Variants in CCNJL observed in about 807,000 individuals in gnomAD.
CCNJL encodes the protein cyclin J like, also known as cyclin-J-like protein.
Under a neutral mutation model 33.4 loss-of-function variants are expected in CCNJL, and 33 were observed. That is an observed-to-expected ratio of 0.99 (90% CI 0.75 to 1.32). CCNJL has a LOEUF of 1.32. CCNJL is among the 40% of genes most tolerant of loss of function. The probability of loss-of-function intolerance (pLI) is 0.00; values close to 1 mark genes in which losing one functional copy is unlikely to be tolerated. For missense variants in CCNJL, 512 were observed against 499.7 expected (o/e 1.02, Z -0.23); for synonymous variants, 227 against 220.9 (o/e 1.03, Z -0.24).
At chr5:160,326,069 A>G (rs772120104) in intron 1 of CCNJL, among the ~76,000 whole-genome samples, 3 of 152,188 alleles carry the variant, frequency 2.0e-5, no homozygotes, top group Non-Finnish European at 4.4e-5. Flanking sequence ...TTCCTACTCC[A>G]TATCAGACCT....
intron 2 of CCNJL, among the ~76,000 whole-genome samples, chr5:160,292,700 T>TAA (rs1491076991): frequency 2.8e-5 from 4 of 142,678 alleles, no homozygotes; most frequent in Non-Finnish European, 4.5e-5. Flanking sequence ...TATATATATA[T>TAA]AACTTGAAAG....
At chr5:160,316,243 C>T (rs572747521), upstream of CCNJL, among the ~76,000 whole-genome samples, 27 of 152,234 alleles carry the variant, frequency 1.8e-4, no homozygotes, top group Middle Eastern at 3.4e-3. Flanking sequence ...CTCCCATCCA[C>T]CCCCAACCAA....
chr5:160,308,737 CAG>C (rs1488126902), intron 2 of CCNJL, among the ~76,000 whole-genome samples: 2 of 152,342 alleles, frequency 1.3e-5, no homozygotes, highest in African/African-American at 4.8e-5. Flanking sequence ...GCCTGTGCGA[CAG>C]AGTGAGACTC....
intron 1 of CCNJL, chr5:160,327,061 T>C (rs546416364): frequency 2.1e-5 from 8 of 378,010 alleles, no homozygotes; most frequent in African/African-American, 1.5e-4. Context: ...ATTCGTATTG[T>C]TTTGATTACC....
intron 3 of CCNJL, among the ~76,000 whole-genome samples, chr5:160,276,946 A>G (rs1025923390): frequency 6.6e-6 from 1 of 151,942 alleles, no homozygotes; most frequent in Non-Finnish European, 1.5e-5. Flanking sequence ...ACCAACACCC[A>G]GCTAATTTTT....
At chr5:160,310,154 T>C (rs923174755) in intron 2 of CCNJL, among the ~76,000 whole-genome samples, 15 of 152,164 alleles carry the variant, frequency 9.9e-5, no homozygotes, top group Non-Finnish European at 1.0e-4. Context: ...CTTGAGTCTA[T>C]GATAAACAAG....
At chr5:160,323,326 C>A (rs1223526608) in intron 1 of CCNJL, among the ~76,000 whole-genome samples, 1 of 152,128 alleles carries the variant, frequency 6.6e-6, no homozygotes, top group African/African-American at 2.4e-5. Context: ...AACTCCTGGC[C>A]TCTAGCAAAG....
chr5:160,291,306 GCACACTAGTCC>G lies in CCNJL; in HGVS notation c.67-10579_67-10569del, dbSNP rs143323399. On this transcript the variant is annotated intron_variant, in intron 2 of 5. Transcript: ENST00000257536. ...AATGTTTCCTAATGTGTGTTCTGTG[GCACACTAGTCC>G]CAAGATATGCTCCCTGAAAAAAAGG... Among the ~76,000 whole-genome samples, 31 of 152,180 alleles carry G rather than the reference GCACACTAGTCC, an allele frequency of 2.0e-4. No homozygotes were observed. The East Asian group carries it at 5.0e-3, about 25-fold the overall frequency.
rs11461365 is a variant in CCNJL at position 160,326,486 on chromosome 5, C to CAAAAAAAA, written n.207-10989_207-10982dup. Reference sequence around the variant, plus strand: ...GGGCGACAGAGCTAGACTCTGTCTCCAAAAAAAAAAAAAAAAAAAAAAAGC... The same window carrying CAAAAAAAA: ...GGGCGACAGAGCTAGACTCTGTCTCCAAAAAAAAAAAAAAAAAAAAAAAAAAAAAAAGC... On this transcript the variant is annotated intron_variant and non_coding_transcript_variant, in intron 1 of 7. Coordinates refer to the CCNJL transcript ENST00000377503. 8.7e-5 allele frequency among the ~76,000 whole-genome samples: 5 copies of CAAAAAAAA among 57,636 alleles called. 1 individual carries two copies. The highest frequency in any genetic ancestry group is 1.2e-4 in the African/African-American group (2 of 16,514). 37.8% of individuals were successfully genotyped at this position (57,636 alleles called of 152,430 possible).
chr5:160,280,724 G>A lies in CCNJL; in HGVS notation c.81C>T (p.Pro27=), dbSNP rs76732875. 14,674 of 1,605,256 alleles carry A rather than the reference G, an allele frequency of 9.1e-3. 1,106 individuals are homozygous for A. In the African/African-American group the frequency reaches 0.17, roughly 18 times the overall value. The change falls in exon 3 of 6, where the codon CCC becomes CCT. Residue 27 remains proline (P), a synonymous_variant. Transcript: ENST00000257536. ...GGAGTGGGGAGTGGGCTCGGAAGGT[G>A]GGCAGCTTCAGTTCCTGGAGGACAG... ...CTLREKELKL[P]TFRAHSPLLK...
intron 1 of CCNJL, among the ~76,000 whole-genome samples, chr5:160,321,013 T>C (rs113807384): frequency 1.5e-3 from 27 of 18,494 alleles, no homozygotes; most frequent in African/African-American, 5.5e-3. Flanking sequence ...TCTCTCTCTC[T>C]CTTTCTTTCT....
At chr5:160,322,230 C>T (rs1213830876) in intron 1 of CCNJL, among the ~76,000 whole-genome samples, 1 of 152,188 alleles carries the variant, frequency 6.6e-6, no homozygotes, top group Non-Finnish European at 1.5e-5. Flanking sequence ...AACTTAATCA[C>T]GTCTCTAAGG....
At chr5:160,261,742 T>C (rs1761345542) in intron 3 of CCNJL, among the ~76,000 whole-genome samples, 1 of 152,122 alleles carries the variant, frequency 6.6e-6, no homozygotes, top group African/African-American at 2.4e-5. Context: ...CAGAGCTCAG[T>C]TTAGAGACCT....
In CCNJL at chr5:160,249,706, T is replaced by C. The variant is rs1473922407; in HGVS notation, c.*3672A>G. On this transcript the variant is annotated 3_prime_UTR_variant, in exon 6 of 6. Coordinates refer to ENST00000257536, the MANE Select transcript of CCNJL (RefSeq NM_001308173.3). ...TGAGCCCAGAAGGTTGAAGCTGCAG[T>C]GAGCCGTGACTGTGCCACTGCACTC... 2 of 151,900 alleles carry C rather than the reference T, an allele frequency of 1.3e-5. No individual in the cohort carries two copies. The highest frequency in any genetic ancestry group is 2.1e-4 in the South Asian group (1 of 4,826). 9.4% of individuals were successfully genotyped at this position (151,900 alleles called of 1,614,324 possible). A position where few individuals can be genotyped will look rare whatever the true frequency, so the allele number is the denominator to read the frequency against.
intron 4 of CCNJL, 100 bp downstream of exon 4, chr5:160,259,369 G>A (rs2113234994): frequency 9.5e-7 from 1 of 1,052,514 alleles, no homozygotes; most frequent in Non-Finnish European, 1.4e-6. Flanking sequence ...CCAGTGAGAA[G>A]GCCTGATCTG....
chr5:160,304,381 C>T (rs1010689706), intron 2 of CCNJL, among the ~76,000 whole-genome samples: 1 of 152,188 alleles, frequency 6.6e-6, no homozygotes, highest in Non-Finnish European at 1.5e-5. Flanking sequence ...ATCTTCCATC[C>T]TCTGTATACA....
intron 2 of CCNJL, among the ~76,000 whole-genome samples, chr5:160,292,480 G>GC (rs1446857265): frequency 6.6e-6 from 1 of 152,024 alleles, no homozygotes; most frequent in Admixed American, 6.6e-5. Flanking sequence ...AATTAGCCGG[G>GC]CATGGTGGTG....
At chr5:160,265,656 GC>G (rs1296174397) in intron 3 of CCNJL, among the ~76,000 whole-genome samples, 1 of 150,600 alleles carries the variant, frequency 6.6e-6, no homozygotes, top group Non-Finnish European at 1.5e-5. Flanking sequence ...GAAATGCAAT[GC>G]CCCAGCCTGG....
intron 2 of CCNJL, among the ~76,000 whole-genome samples, chr5:160,282,966 A>AATATATATATATATGT (rs1762262935): frequency 2.3e-5 from 1 of 43,388 alleles, no homozygotes; most frequent in Non-Finnish European, 4.7e-5. Flanking sequence ...CAGTCCTTGG[A>AATATATATATATATGT]ATATATATAT....
Sources: allele counts gnomAD v4.1 joint callset (sites outside exome capture counted in the v4.1 genomes callset), GRCh38; gene constraint gnomAD v4.1.1; transcripts MANE v1.5; gene names NCBI Gene and HGNC (gene_info 2026-07-23, HGNC 2026-07-21).